Variants in CLYBL observed in about 807,000 individuals in gnomAD.
CLYBL encodes the protein citramalyl-CoA lyase, mitochondrial.
Under a neutral mutation model 38.9 loss-of-function variants are expected in CLYBL, and 31 were observed. The ratio of observed to expected loss-of-function variants is 0.80; its 90% confidence interval spans 0.60 to 1.08. The LOEUF (loss-of-function observed/expected upper bound fraction) is 1.08, where lower values mean the gene tolerates loss of function less well. Among genes scored for constraint, CLYBL ranks in the 50% least tolerant of loss-of-function variants. The pLI is 0.00. For missense variants in CLYBL, 434 were observed against 411.6 expected (o/e 1.05, Z -0.47); for synonymous variants, 171 against 158.6 (o/e 1.08, Z -0.59).
chr13:99,722,312 A>T (rs1480604618), intron 1 of CLYBL, among the ~76,000 whole-genome samples: 1 of 151,972 alleles, frequency 6.6e-6, no homozygotes, highest in African/African-American at 2.4e-5. Flanking sequence ...CCCTCGGTGG[A>T]TACATCAGCT....
intron 8 of CLYBL, among the ~76,000 whole-genome samples, chr13:99,903,926 TC>T (rs1401488508): frequency 6.6e-6 from 1 of 152,088 alleles, no homozygotes; most frequent in African/African-American, 2.4e-5. Flanking sequence ...ACATCTGTGG[TC>T]CCAGCTACTC....
chr13:99,805,635 C>T (rs1350496466), intron 2 of CLYBL, among the ~76,000 whole-genome samples: 1 of 151,992 alleles, frequency 6.6e-6, no homozygotes, highest in South Asian at 2.1e-4. Flanking sequence ...GGGATTATTT[C>T]GAGGTGCTTT....
At position 99,773,027 on chromosome 13, in the gene CLYBL, AGT is replaced by A; in HGVS notation, c.249+18_249+19del. The A allele has an allele frequency of 1.3e-6, 2 of 1,598,796 alleles. No homozygotes were observed. The highest frequency in any genetic ancestry group is 3.6e-5 in the Admixed American group (2 of 54,956). On this transcript the variant is annotated intron_variant, in intron 2 of 8. Coordinates refer to ENST00000339105, the MANE Select transcript of CLYBL (RefSeq NM_206808.5). The stretch of plus-strand genomic sequence containing the variant: ...AACAAAAAGGTAATGGCATGATTTT[AGT>A]ATGAGAAAAAGAAAGGTATTGAAAT...
intron 1 of CLYBL, among the ~76,000 whole-genome samples, chr13:99,714,346 G>A (rs2139503777): frequency 6.6e-6 from 1 of 152,318 alleles, no homozygotes; most frequent in Non-Finnish European, 1.5e-5. Flanking sequence ...GCCTGGTGTG[G>A]TGGCTCACGC....
At chr13:99,679,515 A>C (rs1223784796) in intron 1 of CLYBL, among the ~76,000 whole-genome samples, 1 of 151,908 alleles carries the variant, frequency 6.6e-6, no homozygotes, top group Non-Finnish European at 1.5e-5. Context: ...TTTGTTTCCC[A>C]GTGTTACTCA....
intron 1 of CLYBL, among the ~76,000 whole-genome samples, chr13:99,702,512 A>G (rs1358642551): frequency 1.3e-5 from 2 of 151,818 alleles, no homozygotes; most frequent in African/African-American, 4.8e-5. Context: ...CATGCCTGTA[A>G]TCCGAGCTAC....
intron 1 of CLYBL, among the ~76,000 whole-genome samples, chr13:99,719,602 G>T (rs975889960): frequency 6.6e-5 from 10 of 152,078 alleles, no homozygotes; most frequent in Non-Finnish European, 1.2e-4. Flanking sequence ...CACCTCCTGG[G>T]TTCAAGCGAT....
intron 1 of CLYBL, among the ~76,000 whole-genome samples, chr13:99,705,129 G>A (rs1292110587): frequency 1.3e-5 from 2 of 152,156 alleles, no homozygotes; most frequent in Non-Finnish European, 2.9e-5. Context: ...CTGTGTTCCT[G>A]GGTACATGGG....
intron 2 of CLYBL, among the ~76,000 whole-genome samples, chr13:99,783,691 C>T (rs9517883): frequency 0.43 from 64,692 of 151,464 alleles, 14,906 homozygotes; most frequent in East Asian, 0.7. Context: ...ATGATCCGCC[C>T]GCCTCGGCCT....
chr13:99,664,751 G>A (rs1360000695), intron 1 of CLYBL, among the ~76,000 whole-genome samples: 1 of 152,052 alleles, frequency 6.6e-6, no homozygotes, highest in Non-Finnish European at 1.5e-5. Flanking sequence ...AATTTGGAAC[G>A]AAGAAGCTGT....
intron 6 of CLYBL, among the ~76,000 whole-genome samples, chr13:99,867,862 T>C (rs1449571900): frequency 6.6e-6 from 1 of 152,174 alleles, no homozygotes; most frequent in Non-Finnish European, 1.5e-5. Flanking sequence ...CCCAGCAGAA[T>C]CTGAGTTTCC....
At chr13:99,846,063 G>A (rs1436471463) in intron 2 of CLYBL, among the ~76,000 whole-genome samples, 1 of 151,908 alleles carries the variant, frequency 6.6e-6, no homozygotes, top group African/African-American at 2.4e-5. Context: ...AATAAATGGG[G>A]GAGCATGAGG....
At chr13:99,891,484 C>A in intron 8 of CLYBL, 47 bp downstream of exon 8, 1 of 1,032,158 alleles carries the variant, frequency 9.7e-7, no homozygotes, top group South Asian at 1.3e-5. Flanking sequence ...AACCACAATA[C>A]TCAAAGCAAC....
At chr13:99,727,467 T>C (rs2048497902) in intron 1 of CLYBL, 2 of 151,662 alleles carry the variant, frequency 1.3e-5, no homozygotes, top group African/African-American at 2.4e-5. Flanking sequence ...AATCCGAGGA[T>C]TGTGGTCCTC....
At chr13:99,843,007 T>C (rs2051121179) in intron 2 of CLYBL, among the ~76,000 whole-genome samples, 1 of 151,948 alleles carries the variant, frequency 6.6e-6, no homozygotes, top group Non-Finnish European at 1.5e-5. Flanking sequence ...AACCCTTGAG[T>C]CAAGCACTAT....
rs1251084527 is a variant in CLYBL at position 99,695,298 on chromosome 13, T to A, written c.63-77526T>A. On this transcript the variant is annotated intron_variant, in intron 1 of 8. Transcript: ENST00000339105. The stretch of plus-strand genomic sequence containing the variant: ...GCAAAGTTCATGGCTGACACCCCTA[T>A]AACAAAAGACAGGTTAACAAGAGCA... Among the ~76,000 whole-genome samples, 8 of 151,986 alleles carry A rather than the reference T, an allele frequency of 5.3e-5. No homozygotes were observed. The East Asian group carries it at 1.5e-3, about 29-fold the overall frequency.
chr13:99,667,164 T>TG (rs1394604802), intron 1 of CLYBL, among the ~76,000 whole-genome samples: 2 of 149,548 alleles, frequency 1.3e-5, no homozygotes, highest in Non-Finnish European at 3.0e-5. Flanking sequence ...TCTTGGGGAC[T>TG]GGGGGACTGT....
chr13:99,805,653 A>G (rs1261519695), intron 2 of CLYBL, among the ~76,000 whole-genome samples: 1 of 152,208 alleles, frequency 6.6e-6, no homozygotes, highest in Non-Finnish European at 1.5e-5. Flanking sequence ...TTTTGCATCC[A>G]TTAACTTATT....
At chr13:99,894,153 G>C, downstream of CLYBL, 1 of 152,296 alleles carries the variant, frequency 6.6e-6, no homozygotes, top group Non-Finnish European at 1.5e-5. Context: ...CTAGGAAGAA[G>C]ATGCTGGAAG....
Sources: allele counts gnomAD v4.1 joint callset (sites outside exome capture counted in the v4.1 genomes callset), GRCh38; gene constraint gnomAD v4.1.1; transcripts MANE v1.5; gene names NCBI Gene and HGNC (gene_info 2026-07-23, HGNC 2026-07-21).